PLEKHG4B: variants seen among roughly 807,000 people sequenced by gnomAD.
PLEKHG4B encodes the protein pleckstrin homology domain-containing family G member 4B.
PLEKHG4B carries 111 observed loss-of-function variants against 121.3 expected under a neutral mutation model. The ratio of observed to expected loss-of-function variants is 0.92; its 90% CI spans 0.78 to 1.07. The LOEUF (loss-of-function observed/expected upper bound fraction) is 1.07. Ranked by LOEUF, PLEKHG4B falls within the 50% of genes least tolerant of loss-of-function variation. The pLI, the probability that PLEKHG4B is intolerant of heterozygous loss-of-function variation, is 0.00. For missense variants in PLEKHG4B, 1,831 were observed against 1,757.8 expected (o/e 1.04, Z -0.74); for synonymous variants, 738 against 725.0 (o/e 1.02, Z -0.29).
chr5:164,219 A>G (rs1000879545), intron 13 of PLEKHG4B, among the ~76,000 whole-genome samples: 8 of 152,210 alleles, frequency 5.3e-5, no homozygotes, highest in African/African-American at 1.9e-4. Flanking sequence ...CAATTTTTCC[A>G]CAGACCGCAG....
chr5:128,475 C>T (rs1459908268), intron 2 of PLEKHG4B, among the ~76,000 whole-genome samples: 1 of 152,172 alleles, frequency 6.6e-6, no homozygotes. Context: ...CAGCACTGAT[C>T]CACTGTATTT....
intron 5 of PLEKHG4B, 105 bp from the exon 6 acceptor site, chr5:144,722 G>A: frequency 1.0e-6 from 1 of 960,880 alleles, no homozygotes; most frequent in Non-Finnish European, 1.6e-6. Flanking sequence ...CTAACTTCTA[G>A]AGCTGAAAGG....
At position 163,125 on chromosome 5, in the gene PLEKHG4B, T is replaced by G; in HGVS notation, c.3053T>G (p.Leu1018Arg). ...TCCGGCCTCCCTGGACGAGCGCTTC[T>G]GTGTGGACAGGACGGGGAGACCCTG... ...PLSGLPGRAL[L>R]CGQDGETLRP... Residue 1018 changes from leucine to arginine, a missense_variant, in exon 13 of 20, where the codon CTG (leucine) becomes CGG (arginine). Leu to Arg is a moderately radical substitution (Grantham distance 102, BLOSUM62 -2). Transcript: ENST00000637938. 1 of 1,565,312 alleles carries G rather than the reference T, an allele frequency of 6.4e-7. No homozygotes were observed.
intron 6 of PLEKHG4B, among the ~76,000 whole-genome samples, chr5:146,429 C>T (rs527964762): frequency 6.7e-6 from 1 of 148,404 alleles, no homozygotes. Context: ...GGTCCTCCCT[C>T]CTCTTCCCTA....
At position 135,678 on chromosome 5, in the gene PLEKHG4B, AAAAAATATATATATATATAT is replaced by A. The variant is rs1394813125; in HGVS notation, c.244-3803_244-3784del. Among the ~76,000 whole-genome samples the A allele has an allele frequency of 3.5e-3, 179 of 51,706 alleles. 5 individuals are homozygous for A. Among genetic ancestry groups the A allele is most frequent in the South Asian group, 0.034 (63 of 1,830 alleles). 33.9% of individuals were successfully genotyped at this position (51,706 alleles called of 152,430 possible). A position where few individuals can be genotyped will look rare whatever the true frequency, so the allele number is the denominator to read the frequency against. ...AAGACTCCATCTCAAAAAAAAAAAA[AAAAAATATATATATATATAT>A]ATATATATATATATATATATATATA... is the stretch of plus-strand genomic sequence containing the variant. On this transcript the variant is annotated intron_variant, in intron 2 of 19. Transcript: ENST00000637938.
Position 140,311 on chromosome 5 carries a change from G to A in PLEKHG4B, c.1072G>A (p.Glu358Lys). 1 of 1,503,290 alleles carries A rather than the reference G, an allele frequency of 6.7e-7. No homozygotes were observed. Among genetic ancestry groups the A allele is most frequent in the East Asian group, 2.4e-5 (1 of 41,644 alleles). The allele number at this position is 1,503,290 out of a possible 1,614,324, so 93.1% of individuals were successfully genotyped here. ...ACGCTGGTTCAGGGAGTCGTACATGGAAGCCTTGCGGAACCCCATGCCCCT... is the reference window on the plus strand; with the variant it reads ...ACGCTGGTTCAGGGAGTCGTACATGAAAGCCTTGCGGAACCCCATGCCCCT... ...PRRWFRESYMEALRNPMPLGS... is the reference protein window; with the variant it reads ...PRRWFRESYMKALRNPMPLGS... The change falls in exon 3 of 20, where the codon GAA (glutamate) becomes AAA (lysine). Residue 358 changes from glutamate to lysine, a missense_variant. Transcript: ENST00000637938.
chr5:161,260 C>T (rs1204819958), intron 11 of PLEKHG4B, among the ~76,000 whole-genome samples: 1 of 152,216 alleles, frequency 6.6e-6, no homozygotes, highest in Non-Finnish European at 1.5e-5. Context: ...CCTCAAGGGG[C>T]CAAGCAGCCA....
chr5:96,980 C>T lies in PLEKHG4B; in HGVS notation c.45+4704C>T, dbSNP rs188796084. On this transcript the variant is annotated intron_variant, in intron 1 of 19. Coordinates refer to ENST00000637938, the MANE Select transcript of PLEKHG4B (RefSeq NM_052909.5). ...CATTTTAAAGTAAACAGTTCAGTGG[C>T]GGTCAGTACATTCACAATGTTAGGC... is the stretch of plus-strand genomic sequence containing the variant. 1.8e-4 allele frequency among the ~76,000 whole-genome samples: 27 copies of T among 152,350 alleles called. No individual in the cohort carries two copies. The East Asian group carries it at 3.3e-3, about 18-fold the overall frequency.
In PLEKHG4B at chr5:163,177, C is replaced by T; in HGVS notation, c.3105C>T (p.Asp1035=). Reference sequence around the variant, plus strand: ...GCCCAGGGCTGTGTGCTCTGTGGGACCCACTGTCCCTCCTCAGGGGCCTTC... The same window carrying T: ...GCCCAGGGCTGTGTGCTCTGTGGGATCCACTGTCCCTCCTCAGGGGCCTTC... ...TLRPGLCALW[D]PLSLLRGLPG... The change falls in exon 13 of 20, where the codon GAC becomes GAT. Residue 1035 remains aspartate, a synonymous_variant. Transcript: ENST00000637938. The T allele has an allele frequency of 1.3e-6, 2 of 1,573,322 alleles. No individual in the cohort carries two copies. Among genetic ancestry groups the T allele is most frequent in the East Asian group, 4.5e-5 (2 of 44,386 alleles).
intron 11 of PLEKHG4B, among the ~76,000 whole-genome samples, chr5:158,314 T>C (rs1224088837): frequency 5.6e-5 from 5 of 89,070 alleles, no homozygotes; most frequent in African/African-American, 8.5e-5. Flanking sequence ...CTCCATCTCC[T>C]CTCCTCCCTC....
At position 134,640 on chromosome 5, in the gene PLEKHG4B, C is replaced by A. The variant is rs549213392; in HGVS notation, c.244-4843C>A. 2.1e-3 allele frequency among the ~76,000 whole-genome samples: 326 copies of A among 151,692 alleles called. 2 individuals are homozygous for A. Among genetic ancestry groups the A allele is most frequent in the African/African-American group, 7.3e-3 (304 of 41,384 alleles). ...AATTAGCCAGGTATGGTGGCGTGTGCCTGTAATCCGAGCTACTCGGATGGC... is the reference window on the plus strand; with the variant it reads ...AATTAGCCAGGTATGGTGGCGTGTGACTGTAATCCGAGCTACTCGGATGGC... On this transcript the variant is annotated intron_variant, in intron 2 of 19. Transcript: ENST00000637938.
chr5:163,291 A>G lies in PLEKHG4B; in HGVS notation c.3219A>G (p.Lys1073=), dbSNP rs754557442. The change falls in exon 13 of 20, where the codon AAA becomes AAG. Residue 1073 remains lysine, a synonymous_variant. Transcript: ENST00000637938. ...AGACCCTGGCCAGCCGCCCCAGGAA[A>G]CATCCCCAGAAGAAAATGATAAAGA... ...PTQTLASRPR[K]HPQKKMIKKT... The G allele has an allele frequency of 5.6e-6, 9 of 1,613,344 alleles. No individual in the cohort carries two copies. The East Asian group carries it at 1.8e-4, about 32-fold the overall frequency.
In PLEKHG4B at chr5:139,560, G is replaced by A. The variant is rs761612717; in HGVS notation, c.321G>A (p.Ala107=). The change falls in exon 3 of 20, where the codon GCG becomes GCA. Residue 107 remains alanine, a synonymous_variant. Coordinates refer to ENST00000637938, the MANE Select transcript of PLEKHG4B (RefSeq NM_052909.5). This position sits in a 1 kb window ranked among gnomAD's most constrained non-coding sequence, Gnocchi z 5.0. ...ATGAGAAGGTGGTGGTGCAGCTGGC[G>A]TCCCTGCACGGAGTCAGGCTCCAGC... ...CAHEKVVVQL[A]SLHGVRLQPG... is the part of the protein sequence containing the mutation. 5.8e-5 allele frequency: 23 copies of A among 398,838 alleles called. No homozygotes were observed. Among genetic ancestry groups the A allele is most frequent in the South Asian group, 1.3e-4 (1 of 7,860 alleles). The allele number at this position is 398,838 out of a possible 1,614,324, so 24.7% of individuals were successfully genotyped here.
chr5:152,438 C>T (rs1451365080), intron 7 of PLEKHG4B, among the ~76,000 whole-genome samples: 5 of 151,820 alleles, frequency 3.3e-5, no homozygotes, highest in African/African-American at 9.7e-5. Context: ...ATCGAAGTCC[C>T]GGCCTTAGGC....
At chr5:160,464 A>G (rs1735957272) in intron 11 of PLEKHG4B, among the ~76,000 whole-genome samples, 1 of 151,882 alleles carries the variant, frequency 6.6e-6, no homozygotes, top group Middle Eastern at 3.2e-3. Flanking sequence ...GGGGAAATGG[A>G]GCCCCTAAAC....
chr5:187,623 G>A lies in PLEKHG4B; in HGVS notation c.*5300G>A, dbSNP rs1456811715. 6.6e-6 allele frequency: 1 copy of A among 152,244 alleles called. No individual in the cohort carries two copies. Among genetic ancestry groups the A allele is most frequent in the Admixed American group, 6.5e-5 (1 of 15,286 alleles). The allele number at this position is 152,244 out of a possible 1,614,324, so 9.4% of individuals were successfully genotyped here. ...CTTACATAAGGAAAGACCTTTCCTT[G>A]GCTGACCCTAAAGTAGCCAAGGGGA... On this transcript the variant is annotated 3_prime_UTR_variant, in exon 20 of 20. Transcript: ENST00000637938.
At chr5:128,726 G>A (rs1417955645) in intron 2 of PLEKHG4B, among the ~76,000 whole-genome samples, 1 of 152,202 alleles carries the variant, frequency 6.6e-6, no homozygotes, top group East Asian at 1.9e-4. Flanking sequence ...TCCAGATGGG[G>A]AGACAGACTG....
At chr5:164,149 C>T (rs1736152979) in intron 13 of PLEKHG4B, among the ~76,000 whole-genome samples, 1 of 152,258 alleles carries the variant, frequency 6.6e-6, no homozygotes, top group East Asian at 1.9e-4. Flanking sequence ...TGGTTGGCTT[C>T]TGTGTCTTGG....
intron 1 of PLEKHG4B, among the ~76,000 whole-genome samples, chr5:93,336 C>G (rs898433605): frequency 1.3e-5 from 2 of 152,052 alleles, no homozygotes; most frequent in Non-Finnish European, 1.5e-5. Context: ...GAGCCTGCCT[C>G]GAATTCACAA....
Sources: allele counts gnomAD v4.1 joint callset (sites outside exome capture counted in the v4.1 genomes callset), GRCh38; gene constraint gnomAD v4.1.1; non-coding constraint Gnocchi (gnomAD v3.1); transcripts MANE v1.5; gene names NCBI Gene and HGNC (gene_info 2026-07-23, HGNC 2026-07-21).